WDR62: variants seen among roughly 807,000 people sequenced by gnomAD.
WDR62 encodes WD repeat-containing protein 62.
WDR62 carries 112 observed loss-of-function variants against 160.6 expected under a neutral mutation model. The observed-to-expected ratio is 0.70, with a 90% CI of 0.60 to 0.82. The LOEUF (loss-of-function observed/expected upper bound fraction) is 0.82, where lower values mean the gene tolerates loss of function less well. Ranked by LOEUF, WDR62 falls within the 40% of genes least tolerant of loss-of-function variation. The pLI is 0.00. For synonymous variants in WDR62, 792 were observed against 815.1 expected (o/e 0.97, Z 0.48); for missense variants, 1,819 against 1,983.8 (o/e 0.92, Z 1.58).
chr19:36,073,517 G>C lies in WDR62; in HGVS notation c.1219G>C (p.Val407Leu), dbSNP rs768435637. 1.9e-6 allele frequency: 3 copies of C among 1,613,396 alleles called. No homozygotes were observed. The highest frequency in any genetic ancestry group is 2.5e-6 in the Non-Finnish European group (3 of 1,179,740). The change falls in exon 9 of 32, where the codon GTT (valine) becomes CTT (leucine). Residue 407 changes from valine to leucine, a missense_variant. By Grantham distance (32) the Val-to-Leu change is conservative. Coordinates refer to ENST00000401500, the MANE Select transcript of WDR62 (RefSeq NM_001083961.2). ...GTCAGAGCTCTTCCACAGCTCCTAC[G>C]TTTGGAACGTGGAGGTGAGCCCCCC... Reference protein sequence around the residue: ...VWSELFHSSYVWNVEVYPEFE... With the variant: ...VWSELFHSSYLWNVEVYPEFE...
intron 5 of WDR62, 96 bp from the exon 6 acceptor site, chr19:36,067,210 G>C (rs1970985487): frequency 6.5e-7 from 1 of 1,544,164 alleles, no homozygotes; most frequent in East Asian, 2.2e-5. Flanking sequence ...CAGACTTGGA[G>C]TGGGGACGAG....
At chr19:36,104,104 A>T (rs926816369) in intron 30 of WDR62, 123 bp downstream of exon 30, 70 of 1,274,860 alleles carry the variant, frequency 5.5e-5, no homozygotes, top group Non-Finnish European at 8.8e-6. Flanking sequence ...TTCGTGCATT[A>T]ACTTAAATAT....
intron 9 of WDR62, 46 bp downstream of exon 9, chr19:36,073,577 G>A (rs1446574118): frequency 1.3e-6 from 2 of 1,482,854 alleles, no homozygotes; most frequent in Admixed American, 3.8e-5. Flanking sequence ...CCTCTGCACA[G>A]TTCCCCACAG....
intron 23 of WDR62, 146 bp from the exon 24 acceptor site, chr19:36,101,068 G>A: frequency 8.6e-7 from 1 of 1,163,940 alleles, no homozygotes; most frequent in Non-Finnish European, 1.3e-6. Context: ...CTGGGGGAAG[G>A]AGGGGGCATT....
chr19:36,102,185 C>A (rs375919541), intron 26 of WDR62, 34 bp downstream of exon 26: 2 of 1,613,608 alleles, frequency 1.2e-6, no homozygotes, highest in African/African-American at 2.7e-5. Context: ...CTGCCGAGGC[C>A]GTCTGTGCAG....
intron 3 of WDR62, chr19:36,062,659 A>AAAAC (rs1375807115): frequency 1.3e-5 from 2 of 149,180 alleles, no homozygotes; most frequent in African/African-American, 2.5e-5. Context: ...CAAAAAAAAA[A>AAAAC]AAAAAAAAAA....
rs1221662335 is a variant in WDR62 at position 36,087,455 on chromosome 19, C to T, written c.1768+643C>T. Among the ~76,000 whole-genome samples the T allele has an allele frequency of 2.7e-5, 4 of 149,278 alleles. No individual in the cohort carries two copies. The Admixed American group carries it at 2.7e-4, about 10-fold the overall frequency. On this transcript the variant is annotated intron_variant, in intron 13 of 31. Coordinates refer to ENST00000401500, the MANE Select transcript of WDR62 (RefSeq NM_001083961.2). ...CCGGGAGGCGGAGGTTGCAGTGAGC[C>T]AAGATTGCGCCAGTGACTCCACTCC... is the stretch of plus-strand genomic sequence containing the variant.
chr19:36,098,969 C>T (rs956067336), intron 21 of WDR62, among the ~76,000 whole-genome samples: 26 of 152,142 alleles, frequency 1.7e-4, no homozygotes, highest in Non-Finnish European at 3.4e-4. Context: ...TGCCTGTAAT[C>T]CCAGTACTTT....
At chr19:36,075,656 G>A (rs976902066) in intron 9 of WDR62, among the ~76,000 whole-genome samples, 6 of 152,094 alleles carry the variant, frequency 3.9e-5, no homozygotes, top group African/African-American at 1.4e-4. Flanking sequence ...ATGTTGGCCA[G>A]GCTAGTTTCA....
At chr19:36,064,135 C>T (rs1970806369) in intron 3 of WDR62, among the ~76,000 whole-genome samples, 1 of 152,198 alleles carries the variant, frequency 6.6e-6, no homozygotes, top group African/African-American at 2.4e-5. Context: ...AAGGTCAGGG[C>T]ATGCGACAGG....
chr19:36,092,945 G>C, intron 19 of WDR62, 134 bp downstream of exon 19: 1 of 1,312,684 alleles, frequency 7.6e-7, no homozygotes, highest in South Asian at 1.2e-5. Context: ...GAGTAGGGGA[G>C]ACAGACTTTG....
chr19:36,060,364 C>G (rs1225594832), intron 3 of WDR62: 2 of 342,280 alleles, frequency 5.8e-6, no homozygotes, highest in African/African-American at 4.1e-5. Flanking sequence ...TATCAGAAGG[C>G]TCAGGGAACG....
At chr19:36,096,761 G>A (rs1972990674) in intron 20 of WDR62, among the ~76,000 whole-genome samples, 1 of 151,332 alleles carries the variant, frequency 6.6e-6, no homozygotes, top group Non-Finnish European at 1.5e-5. Context: ...CCCAGTTACT[G>A]CCCCACCCTG....
At position 36,084,771 on chromosome 19, in the gene WDR62, G is replaced by A. The variant is rs201117958; in HGVS notation, c.1642+27G>A. The A allele has an allele frequency of 1.0e-5, 16 of 1,605,958 alleles. No homozygotes were observed. The African/African-American group carries it at 1.9e-4, about 19-fold the overall frequency. Reference sequence around the variant, plus strand: ...TGAGCCCGCAGCAGGGGTGGAATGGGGGTCAGGCAGGGAGGCAGCCCCCCT... The same window carrying A: ...TGAGCCCGCAGCAGGGGTGGAATGGAGGTCAGGCAGGGAGGCAGCCCCCCT... On this transcript the variant is annotated intron_variant, in intron 12 of 31. Transcript: ENST00000401500.
Position 36,066,261 on chromosome 19 carries a change from G to T in WDR62, c.395G>T (p.Gly132Val), listed in dbSNP as rs1970932759. 3.7e-6 allele frequency: 6 copies of T among 1,614,032 alleles called. No homozygotes were observed. In the East Asian group the frequency reaches 1.3e-4, roughly 36 times the overall value. ...DGKYIVTGENGHRPAVRIWDV... is the reference protein window; with the variant it reads ...DGKYIVTGENVHRPAVRIWDV... The stretch of plus-strand genomic sequence containing the variant: ...TAACGACCCCACCTTCCCTAGAATG[G>T]GCATAGGCCTGCTGTGCGCATCTGG... The change falls in exon 5 of 32, where the codon GGG (glycine) becomes GTG (valine). Residue 132 changes from glycine (G) to valine (V), a missense_variant. By Grantham distance (109) the Gly-to-Val change is moderately radical (BLOSUM62 -3). Around this residue, in one of 3 missense-constraint regions of WDR62, gnomAD observed 934 missense variants for 1,157.2 expected, o/e 0.81. Coordinates refer to ENST00000401500, the MANE Select transcript of WDR62 (RefSeq NM_001083961.2).
At chr19:36,087,193 G>A (rs1001767783) in intron 13 of WDR62, among the ~76,000 whole-genome samples, 6 of 150,720 alleles carry the variant, frequency 4.0e-5, no homozygotes, top group South Asian at 2.1e-4. Flanking sequence ...AGGCAACAGA[G>A]TGAGACCCTG....
chr19:36,067,771 G>T, intron 6 of WDR62, 57 bp from the exon 7 acceptor site: 1 of 1,588,906 alleles, frequency 6.3e-7, no homozygotes, highest in South Asian at 1.1e-5. Flanking sequence ...CTATCATCTG[G>T]TCATGCAGGG....
intron 7 of WDR62, among the ~76,000 whole-genome samples, chr19:36,068,294 T>C (rs1971053605): frequency 1.3e-5 from 2 of 152,238 alleles, no homozygotes; most frequent in South Asian, 4.1e-4. Flanking sequence ...CATGACTATT[T>C]GATCTACTTC....
intron 11 of WDR62, among the ~76,000 whole-genome samples, chr19:36,083,607 GC>G (rs1440902836): frequency 2.6e-5 from 4 of 152,162 alleles, no homozygotes; most frequent in Non-Finnish European, 4.4e-5. Flanking sequence ...TGGGAGAGGG[GC>G]TATGAGGGTG....
Sources: allele counts gnomAD v4.1 joint callset (sites outside exome capture counted in the v4.1 genomes callset), GRCh38; gene constraint gnomAD v4.1.1; regional missense constraint gnomAD v4.1.1; transcripts MANE v1.5; gene names NCBI Gene and HGNC (gene_info 2026-07-23, HGNC 2026-07-21).